Variants in TNFRSF19 observed in about 807,000 individuals in gnomAD.
The protein encoded by TNFRSF19 is TNF receptor superfamily member 19.
Under a neutral mutation model 46.4 loss-of-function variants are expected in TNFRSF19, and 27 were observed. That is an observed-to-expected ratio of 0.58 (90% CI 0.43 to 0.80). TNFRSF19 has a LOEUF of 0.80. Ranked by LOEUF, TNFRSF19 falls within the 30% of genes least tolerant of loss-of-function variation. The pLI, the probability that TNFRSF19 is intolerant of heterozygous loss-of-function variation, is 0.00. For synonymous variants in TNFRSF19, 204 were observed against 205.0 expected (o/e 1.00, Z 0.04); for missense variants, 511 against 530.8 (o/e 0.96, Z 0.37).
intron 4 of TNFRSF19, among the ~76,000 whole-genome samples, chr13:23,618,313 A>C (rs568598745): frequency 6.6e-6 from 1 of 152,294 alleles, no homozygotes; most frequent in African/African-American, 2.4e-5. Context: ...TAAAAAGACA[A>C]ATAATTCAAT....
At chr13:23,666,298 T>C (rs1183122455) in intron 7 of TNFRSF19, among the ~76,000 whole-genome samples, 1 of 152,238 alleles carries the variant, frequency 6.6e-6, no homozygotes, top group Non-Finnish European at 1.5e-5. Context: ...CGTGCTCTGA[T>C]GATTTGTACT....
chr13:23,631,952 T>C lies in TNFRSF19; in HGVS notation c.445+5160T>C, dbSNP rs114318538. ...TGCATAATGAGACGCAGATGAGATA[T>C]AGATAATCCAAAAGCATTTTCCATT... is the stretch of plus-strand genomic sequence containing the variant. On this transcript the variant is annotated intron_variant, in intron 5 of 9. Transcript: ENST00000248484. 2.7e-3 allele frequency among the ~76,000 whole-genome samples: 417 copies of C among 152,352 alleles called. 1 individual carries two copies. Among genetic ancestry groups the C allele is most frequent in the African/African-American group, 9.2e-3 (382 of 41,578 alleles).
At chr13:23,646,440 G>C (rs1043876622) in intron 5 of TNFRSF19, among the ~76,000 whole-genome samples, 2 of 152,048 alleles carry the variant, frequency 1.3e-5, no homozygotes, top group Admixed American at 6.6e-5. Flanking sequence ...AAAAGCTCCT[G>C]TGCCTCCCTT....
chr13:23,585,253 TG>T (rs1878739163), intron 1 of TNFRSF19, among the ~76,000 whole-genome samples: 1 of 152,212 alleles, frequency 6.6e-6, no homozygotes, highest in South Asian at 2.1e-4. Flanking sequence ...CTGCATCTGT[TG>T]GATAATAAAT....
intron 9 of TNFRSF19, chr13:23,669,571 C>A: frequency 1.0e-6 from 1 of 985,282 alleles, no homozygotes; most frequent in Non-Finnish European, 1.2e-6. Flanking sequence ...CTGTTGTTTT[C>A]TGGATCACTC....
intron 4 of TNFRSF19, among the ~76,000 whole-genome samples, chr13:23,620,806 C>T (rs1238818881): frequency 6.6e-6 from 1 of 152,176 alleles, no homozygotes; most frequent in African/African-American, 2.4e-5. Context: ...GGAACTGGAA[C>T]CCGCCCTGAA....
intron 1 of TNFRSF19, among the ~76,000 whole-genome samples, chr13:23,580,563 T>G (rs1002801427): frequency 2.6e-5 from 4 of 152,260 alleles, no homozygotes; most frequent in Non-Finnish European, 5.9e-5. Context: ...TTTTCTGTGG[T>G]GCAGTTTCAC....
At chr13:23,625,969 T>G (rs1881972595) in intron 4 of TNFRSF19, among the ~76,000 whole-genome samples, 1 of 152,250 alleles carries the variant, frequency 6.6e-6, no homozygotes, top group South Asian at 2.1e-4. Context: ...TATGAAATTT[T>G]TAAATTATGA....
intron 1 of TNFRSF19, among the ~76,000 whole-genome samples, chr13:23,589,518 A>G (rs1365987542): frequency 2.0e-5 from 3 of 152,224 alleles, no homozygotes; most frequent in Non-Finnish European, 2.9e-5. Context: ...ATTTAATAGC[A>G]CATTGTCTGT....
chr13:23,596,695 G>A (rs552235039), intron 3 of TNFRSF19, among the ~76,000 whole-genome samples: 10 of 152,246 alleles, frequency 6.6e-5, no homozygotes, highest in Non-Finnish European at 1.2e-4. Context: ...ACAGATCAAC[G>A]AGACAGAAAA....
chr13:23,625,605 G>A (rs181386396), intron 4 of TNFRSF19, among the ~76,000 whole-genome samples: 43 of 152,262 alleles, frequency 2.8e-4, no homozygotes, highest in African/African-American at 9.6e-4. Flanking sequence ...TGGGATTACA[G>A]GCGTGAGCCC....
At chr13:23,626,628 G>C in intron 4 of TNFRSF19, 79 bp from the exon 5 acceptor site, 1 of 1,358,512 alleles carries the variant, frequency 7.4e-7, no homozygotes, top group Non-Finnish European at 1.0e-6. Flanking sequence ...ACTGGTAATG[G>C]AGACTGCTGG....
intron 5 of TNFRSF19, among the ~76,000 whole-genome samples, chr13:23,653,204 C>T (rs575951094): frequency 6.6e-6 from 1 of 152,162 alleles, no homozygotes; most frequent in Non-Finnish European, 1.5e-5. Context: ...AGCAATGGCT[C>T]CCTAAGTGAA....
chr13:23,575,095 T>C lies in TNFRSF19; in HGVS notation c.-35+4247T>C, dbSNP rs1044453159. ...TTGGTGGCTCTATAGCTTAGCACCA[T>C]GGGCTGCTGCCCAGCCAGCCTGGCC... On this transcript the variant is annotated intron_variant, in intron 1 of 9. Coordinates refer to ENST00000248484, the MANE Select transcript of TNFRSF19 (RefSeq NM_148957.4). 4.6e-5 allele frequency among the ~76,000 whole-genome samples: 7 copies of C among 152,334 alleles called. No homozygotes were observed. The South Asian group carries it at 1.2e-3, about 27-fold the overall frequency.
chr13:23,635,451 T>C (rs1178803221), intron 5 of TNFRSF19, among the ~76,000 whole-genome samples: 1 of 151,968 alleles, frequency 6.6e-6, no homozygotes, highest in Non-Finnish European at 1.5e-5. Flanking sequence ...TGATCTCGGC[T>C]CACTACAACC....
chr13:23,634,030 A>C (rs1882526876), intron 5 of TNFRSF19, among the ~76,000 whole-genome samples: 2 of 152,266 alleles, frequency 1.3e-5, no homozygotes, highest in Non-Finnish European at 2.9e-5. Context: ...ATTTCATTAA[A>C]GTTACAGAAA....
At chr13:23,627,881 A>G (rs1409619867) in intron 5 of TNFRSF19, among the ~76,000 whole-genome samples, 2 of 152,238 alleles carry the variant, frequency 1.3e-5, no homozygotes, top group Non-Finnish European at 2.9e-5. Context: ...ACCAAAATGC[A>G]TTATTTTCTA....
intron 5 of TNFRSF19, among the ~76,000 whole-genome samples, chr13:23,643,119 C>T (rs1883121658): frequency 6.6e-6 from 1 of 152,216 alleles, no homozygotes; most frequent in African/African-American, 2.4e-5. Flanking sequence ...AAACTAATAA[C>T]AATAAACTTA....
chr13:23,643,039 T>C (rs984660911), intron 5 of TNFRSF19, among the ~76,000 whole-genome samples: 11 of 152,238 alleles, frequency 7.2e-5, no homozygotes, highest in Non-Finnish European at 1.6e-4. Context: ...CAACTATTCT[T>C]TGTAATTAAT....
Sources: allele counts gnomAD v4.1 joint callset (sites outside exome capture counted in the v4.1 genomes callset), GRCh38; gene constraint gnomAD v4.1.1; transcripts MANE v1.5; gene names NCBI Gene and HGNC (gene_info 2026-07-23, HGNC 2026-07-21).